Variants in PSMC2 observed in about 807,000 individuals in gnomAD.
PSMC2 encodes 26S proteasome regulatory subunit 7.
In PSMC2, 7 loss-of-function variants were observed where a neutral mutation model predicts 53.3. That is an observed-to-expected ratio of 0.13 (90% CI 0.07 to 0.25). PSMC2 has a LOEUF of 0.25. Ranked by LOEUF, PSMC2 falls within the 10% of genes least tolerant of loss-of-function variation. The probability of loss-of-function intolerance (pLI) is 1.00; values close to 1 mark genes in which losing one functional copy is unlikely to be tolerated. For missense variants in PSMC2, 241 were observed against 544.0 expected (o/e 0.44, Z 5.54); for synonymous variants, 169 against 183.9 (o/e 0.92, Z 0.66).
In PSMC2 at chr7:103,349,902, A is replaced by G. The variant is rs147461096; in HGVS notation, c.70+2121A>G. The stretch of plus-strand genomic sequence containing the variant: ...GGTCCTCAGTTCAGTCTCTTTCTTC[A>G]TGACTGATGACTTTTTTCTCTCCTG... On this transcript the variant is annotated intron_variant, in intron 1 of 11. Transcript: ENST00000292644. Among the ~76,000 whole-genome samples the G allele has an allele frequency of 3.8e-3, 572 of 152,234 alleles. 4 individuals carry two copies. The highest frequency in any genetic ancestry group is 0.014 in the African/African-American group (563 of 41,538).
intron 7 of PSMC2, among the ~76,000 whole-genome samples, chr7:103,363,696 C>G (rs1332547025): frequency 6.6e-6 from 1 of 152,012 alleles, no homozygotes; most frequent in Non-Finnish European, 1.5e-5. Flanking sequence ...TAACCTTTAG[C>G]AATATGTTAA....
At chr7:103,352,594 A>G (rs752732051) in intron 1 of PSMC2, 2 of 374,338 alleles carry the variant, frequency 5.3e-6, no homozygotes, top group South Asian at 5.2e-5. Context: ...TTGTAGAGAC[A>G]TGGTTTCGCC....
intron 2 of PSMC2, 27 bp from the exon 3 acceptor site, chr7:103,354,841 C>G: frequency 6.8e-7 from 1 of 1,465,118 alleles, no homozygotes; most frequent in Non-Finnish European, 9.5e-7. Context: ...TCCTGATATT[C>G]TAACTAAACT....
At position 103,364,421 on chromosome 7, in the gene PSMC2, T is replaced by C. The variant is rs561469945; in HGVS notation, c.756+114T>C. 3.3e-6 allele frequency: 4 copies of C among 1,225,030 alleles called. No individual in the cohort carries two copies. The East Asian group carries it at 1.0e-4, about 31-fold the overall frequency. 75.9% of individuals were successfully genotyped at this position (1,225,030 alleles called of 1,614,324 possible). A position where few individuals can be genotyped will look rare whatever the true frequency, so the allele number is the denominator to read the frequency against. On this transcript the variant is annotated intron_variant, in intron 8 of 11. Coordinates refer to ENST00000292644, the MANE Select transcript of PSMC2 (RefSeq NM_002803.4). ...TCCAGACCTGAAATTTCTTTTTTCT[T>C]TTGTTGAGACAGAGTCTCATTGTGT...
At chr7:103,365,498 G>A (rs1374032771) in intron 8 of PSMC2, among the ~76,000 whole-genome samples, 1 of 151,980 alleles carries the variant, frequency 6.6e-6, no homozygotes, top group Non-Finnish European at 1.5e-5. Context: ...GTGTGGTGGC[G>A]CATGTCTGTA....
intron 1 of PSMC2, among the ~76,000 whole-genome samples, chr7:103,353,564 C>T (rs906259976): frequency 6.6e-6 from 1 of 152,160 alleles, no homozygotes; most frequent in African/African-American, 2.4e-5. Context: ...GCCTGGGCCT[C>T]CCAAAGTACT....
intron 4 of PSMC2, 67 bp downstream of exon 4, chr7:103,355,860 C>T: frequency 2.7e-6 from 3 of 1,108,666 alleles, no homozygotes; most frequent in Middle Eastern, 2.0e-4. Context: ...GTTAGAGTCT[C>T]AGGGATAATG....
Position 103,347,764 on chromosome 7 carries a change from A to T in PSMC2, c.53A>T (p.Asp18Val). Residue 18 changes from aspartate (D) to valine (V), a missense_variant, in exon 1 of 12, where the codon GAC becomes GTC. Asp to Val is a radical substitution (Grantham distance 152). Transcript: ENST00000292644. ...CGGAAGACCAAAGAGGATGAGAAGG[A>T]CGACAAGCCCATCCGAGGTCAGTTG... Reference protein sequence around the residue: ...DQRKTKEDEKDDKPIRALDEG... With the variant: ...DQRKTKEDEKVDKPIRALDEG... 6.2e-7 allele frequency: 1 copy of T among 1,613,884 alleles called. No homozygotes were observed. Among genetic ancestry groups the T allele is most frequent in the Non-Finnish European group, 8.5e-7 (1 of 1,179,824 alleles).
Position 103,369,380 on chromosome 7 carries a change from A to G in PSMC2, c.*1326A>G, listed in dbSNP as rs1388296079. ...TTGAATGTTTTGATTAAATAAATGT[A>G]CACATTTAGAACACACTCTGAAGTC... On this transcript the variant is annotated 3_prime_UTR_variant, in exon 12 of 12. Coordinates refer to ENST00000292644, the MANE Select transcript of PSMC2 (RefSeq NM_002803.4). The G allele has an allele frequency of 6.6e-6, 1 of 152,254 alleles. No homozygotes were observed. The highest frequency in any genetic ancestry group is 1.5e-5 in the Non-Finnish European group (1 of 68,038). The allele number at this position is 152,254 out of a possible 1,614,324, so 9.4% of individuals were successfully genotyped here.
chr7:103,363,511 C>A, intron 7 of PSMC2, 72 bp downstream of exon 7: 1 of 1,328,788 alleles, frequency 7.5e-7, no homozygotes, highest in Non-Finnish European at 1.1e-6. Flanking sequence ...ACTAAAATTG[C>A]TTGTATATTA....
At chr7:103,352,727 C>G in intron 1 of PSMC2, 1 of 713,088 alleles carries the variant, frequency 1.4e-6, no homozygotes, top group South Asian at 1.5e-5. Context: ...ACAACTCATC[C>G]TGGTAGATTC....
At chr7:103,363,029 A>G (rs1820505259) in intron 6 of PSMC2, among the ~76,000 whole-genome samples, 1 of 152,108 alleles carries the variant, frequency 6.6e-6, no homozygotes, top group Non-Finnish European at 1.5e-5. Context: ...CATGACCTCA[A>G]GTGTTTGGCC....
intron 1 of PSMC2, chr7:103,352,934 AAGAGGGT>A (rs1311577885): frequency 1.3e-6 from 1 of 780,790 alleles, no homozygotes; most frequent in East Asian, 2.4e-5. Flanking sequence ...AAGCTGAAAC[AAGAGGGT>A]AGAGTGACTT....
intron 1 of PSMC2, among the ~76,000 whole-genome samples, chr7:103,349,419 G>T (rs1250209214): frequency 6.6e-6 from 1 of 151,802 alleles, no homozygotes; most frequent in Non-Finnish European, 1.5e-5. Flanking sequence ...TGACTAACAT[G>T]TATATAGGAT....
intron 4 of PSMC2, among the ~76,000 whole-genome samples, chr7:103,360,834 G>A (rs1361212758): frequency 1.3e-5 from 2 of 152,158 alleles, no homozygotes; most frequent in Admixed American, 6.5e-5. Flanking sequence ...TCTACTGGCC[G>A]GGTGCAATGG....
chr7:103,368,638 C>T lies in PSMC2; in HGVS notation c.*584C>T, dbSNP rs981400704. On this transcript the variant is annotated 3_prime_UTR_variant, in exon 12 of 12. Transcript: ENST00000292644. ...AGAAACATTGGATGTATATGTTTTG[C>T]ATTGCCATTTGATTTCAAATTAATC... 6.6e-5 allele frequency: 10 copies of T among 152,040 alleles called. No homozygotes were observed. Among genetic ancestry groups the T allele is most frequent in the Non-Finnish European group, 1.3e-4 (9 of 68,002 alleles). 9.4% of individuals were successfully genotyped at this position (152,040 alleles called of 1,614,324 possible). A position where few individuals can be genotyped will look rare whatever the true frequency, so the allele number is the denominator to read the frequency against.
intron 1 of PSMC2, among the ~76,000 whole-genome samples, chr7:103,353,307 CCTTTT>C (rs1819830943): frequency 6.6e-6 from 1 of 151,822 alleles, no homozygotes; most frequent in Admixed American, 6.6e-5. Context: ...CATTGTATTT[CCTTTT>C]CTTTTTCTTT....
chr7:103,361,194 G>A (rs1332937636), intron 4 of PSMC2, among the ~76,000 whole-genome samples: 1 of 148,396 alleles, frequency 6.7e-6, no homozygotes, highest in African/African-American at 2.5e-5. Context: ...AATAAAAATG[G>A]ATTTAAAGTC....
At position 103,368,060 on chromosome 7, in the gene PSMC2, G is replaced by A; in HGVS notation, c.*6G>A. The A allele has an allele frequency of 1.3e-6, 2 of 1,593,820 alleles. No homozygotes were observed. The highest frequency in any genetic ancestry group is 1.7e-6 in the Non-Finnish European group (2 of 1,169,146). On this transcript the variant is annotated 3_prime_UTR_variant, in exon 12 of 12. Coordinates refer to ENST00000292644, the MANE Select transcript of PSMC2 (RefSeq NM_002803.4). ...GTTACATGACATACAACTGAACCCTGAAGGCTTTCAAGTGAAAACTTTAAA... is the reference window on the plus strand; with the variant it reads ...GTTACATGACATACAACTGAACCCTAAAGGCTTTCAAGTGAAAACTTTAAA...
Sources: gnomAD v4.1 joint callset for allele counts (sites outside exome capture counted in the v4.1 genomes callset) on GRCh38, gnomAD v4.1.1 for gene constraint, MANE v1.5 for transcripts, NCBI Gene and HGNC (gene_info 2026-07-23, HGNC 2026-07-21) for gene names.